RNF220: variants seen among roughly 807,000 people sequenced by gnomAD.
The protein encoded by RNF220 is ring finger protein 220.
A neutral mutation model predicts 67.1 loss-of-function variants in RNF220; 7 were observed. The observed-to-expected ratio is 0.10, with a 90% confidence interval of 0.06 to 0.20. The LOEUF is 0.20. RNF220 is among the 10% of genes least tolerant of loss of function. The pLI is 1.00. For synonymous variants in RNF220, 270 were observed against 283.2 expected, an observed-to-expected ratio of 0.95 and a Z score of 0.47; for missense variants, 565 against 740.3, an observed-to-expected ratio of 0.76 and a Z score of 2.75.
In RNF220 at chr1:44,621,551, C is replaced by T. The variant is rs1472736984; in HGVS notation, c.759-1191C>T. Among the ~76,000 whole-genome samples, 1 of 152,170 alleles carries T rather than the reference C, an allele frequency of 6.6e-6. No individual in the cohort carries two copies. The highest frequency in any genetic ancestry group is 2.4e-5 in the African/African-American group (1 of 41,428). On this transcript the variant is annotated intron_variant, in intron 3 of 14. Transcript: ENST00000361799. This position sits in a 1 kb window ranked among gnomAD's most constrained non-coding sequence, Gnocchi z 4.8. The stretch of plus-strand genomic sequence containing the variant: ...ATGTCTCCAGACATTGCTGGATGTC[C>T]CCTGTGCAGGTGAACATCCCTTCCC...
At chr1:44,544,461 A>G (rs1661955272) in intron 2 of RNF220, among the ~76,000 whole-genome samples, 2 of 152,232 alleles carry the variant, frequency 1.3e-5, no homozygotes, top group African/African-American at 4.8e-5. Context: ...GGTTTTAATG[A>G]GTTCATGCAT....
intron 2 of RNF220, among the ~76,000 whole-genome samples, chr1:44,525,282 AG>A (rs1258293425): frequency 6.6e-6 from 1 of 151,934 alleles, no homozygotes; most frequent in Non-Finnish European, 1.5e-5. Flanking sequence ...GCTGAGCGAG[AG>A]GGGGGCCACC....
intron 2 of RNF220, among the ~76,000 whole-genome samples, chr1:44,448,350 A>G (rs1373085942): frequency 6.6e-6 from 1 of 152,208 alleles, no homozygotes; most frequent in East Asian, 1.9e-4. Flanking sequence ...TTTCAGACTT[A>G]GATGCATGTG....
chr1:44,406,829 A>G (rs1311007775), intron 1 of RNF220, among the ~76,000 whole-genome samples: 2 of 152,240 alleles, frequency 1.3e-5, no homozygotes, highest in Non-Finnish European at 2.9e-5. Flanking sequence ...GAGGCCGCCC[A>G]CGGTGGTGAG....
At position 44,650,691 on chromosome 1, in the gene RNF220, G is replaced by A. The variant is rs750119681; in HGVS notation, c.1630-13G>A. On this transcript the variant is annotated splice_polypyrimidine_tract_variant and intron_variant, in intron 14 of 14. Coordinates refer to ENST00000361799, the MANE Select transcript of RNF220 (RefSeq NM_018150.4). The surrounding 1 kb of genome is among the most constrained non-coding windows in gnomAD (Gnocchi z 4.3). The stretch of plus-strand genomic sequence containing the variant: ...CATTGTGTAGACCAGAGCCCTCCCT[G>A]TTCTCCCTGCAGGGTGCCAAGAAGC... 3.1e-6 allele frequency: 5 copies of A among 1,613,522 alleles called. No homozygotes were observed. Among genetic ancestry groups the A allele is most frequent in the East Asian group, 2.2e-5 (1 of 44,864 alleles).
chr1:44,554,416 T>G (rs1472339015), intron 2 of RNF220, among the ~76,000 whole-genome samples: 2 of 151,990 alleles, frequency 1.3e-5, no homozygotes, highest in African/African-American at 4.8e-5. Flanking sequence ...TCCCCTAGCC[T>G]AGAACTGGAT....
At chr1:44,427,831 G>C (rs1047021876) in intron 2 of RNF220, among the ~76,000 whole-genome samples, 4 of 152,178 alleles carry the variant, frequency 2.6e-5, no homozygotes, top group African/African-American at 9.6e-5. Flanking sequence ...CACAAAGTAT[G>C]CCTTCAATAA....
rs1663952599 is a variant in RNF220, at chr1:44,565,765, G to T, written c.626-48400G>T. The stretch of plus-strand genomic sequence containing the variant: ...AGATCTGTGAACCACTGCCTTCCCT[G>T]CCCCTCCCTGGGTGCCAATGGGACT... On this transcript the variant is annotated intron_variant, in intron 2 of 14. Transcript: ENST00000361799. This position sits in a 1 kb window ranked among gnomAD's most constrained non-coding sequence, Gnocchi z 4.2. 6.6e-6 allele frequency among the ~76,000 whole-genome samples: 1 copy of T among 152,132 alleles called. No individual in the cohort carries two copies. Among genetic ancestry groups the T allele is most frequent in the Admixed American group, 6.5e-5 (1 of 15,282 alleles).
chr1:44,457,562 G>A (rs1653318959), intron 2 of RNF220, among the ~76,000 whole-genome samples: 1 of 117,622 alleles, frequency 8.5e-6, no homozygotes, highest in Non-Finnish European at 1.8e-5. Context: ...TATAACCTTG[G>A]ATTTTTTTTT....
chr1:44,587,786 G>A (rs1665815503), intron 2 of RNF220, among the ~76,000 whole-genome samples: 2 of 152,220 alleles, frequency 1.3e-5, no homozygotes, highest in South Asian at 2.1e-4. Flanking sequence ...CCTTACAGGG[G>A]CAGTGTTAAG....
intron 2 of RNF220, among the ~76,000 whole-genome samples, chr1:44,582,593 C>T (rs759984129): frequency 6.6e-6 from 1 of 151,788 alleles, no homozygotes; most frequent in Non-Finnish European, 1.5e-5. Context: ...CCCATCTCTA[C>T]TAAAAATACA....
chr1:44,591,977 G>A (rs1362961026), intron 2 of RNF220, among the ~76,000 whole-genome samples: 6 of 152,000 alleles, frequency 3.9e-5, no homozygotes, highest in African/African-American at 9.7e-5. Context: ...TGCTCAAGCC[G>A]TCCCCCATCC....
chr1:44,425,579 A>G (rs1026637355), intron 2 of RNF220, among the ~76,000 whole-genome samples: 2 of 152,152 alleles, frequency 1.3e-5, no homozygotes, highest in South Asian at 2.1e-4. Flanking sequence ...CGGTTCAGCA[A>G]TAGGGCAACA....
intron 2 of RNF220, among the ~76,000 whole-genome samples, chr1:44,586,672 C>T (rs1665720869): frequency 6.6e-6 from 1 of 152,140 alleles, no homozygotes; most frequent in Non-Finnish European, 1.5e-5. Flanking sequence ...GAAGGGTTGG[C>T]CCTTTTAGGA....
intron 2 of RNF220, among the ~76,000 whole-genome samples, chr1:44,509,358 G>C (rs964094233): frequency 6.6e-5 from 10 of 151,850 alleles, no homozygotes; most frequent in African/African-American, 2.4e-4. Flanking sequence ...AAACCATCCT[G>C]GCTAACACAG....
intron 2 of RNF220, among the ~76,000 whole-genome samples, chr1:44,445,011 A>G (rs1651934603): frequency 6.6e-6 from 1 of 152,198 alleles, no homozygotes; most frequent in Admixed American, 6.5e-5. Context: ...TTGTTGTTTC[A>G]TGTTCCCACT....
Position 44,636,178 on chromosome 1 carries a change from A to G in RNF220, c.1126+16A>G. On this transcript the variant is annotated intron_variant, in intron 8 of 14. Transcript: ENST00000361799. ...GGCTTCCGAGGTACAAGCAGCTGAC[A>G]CGTAGACATTGGCACTCTGGTGCCA... is the stretch of plus-strand genomic sequence containing the variant. The G allele has an allele frequency of 6.3e-7, 1 of 1,590,044 alleles. No individual in the cohort carries two copies. The highest frequency in any genetic ancestry group is 1.3e-5 in the African/African-American group (1 of 74,692).
chr1:44,515,768 A>G (rs1274180193), intron 2 of RNF220, among the ~76,000 whole-genome samples: 1 of 152,240 alleles, frequency 6.6e-6, no homozygotes, highest in Non-Finnish European at 1.5e-5. Flanking sequence ...CCAAGAGTCT[A>G]GGAAACAGCA....
chr1:44,552,054 C>G (rs1662679387), intron 2 of RNF220, among the ~76,000 whole-genome samples: 1 of 152,222 alleles, frequency 6.6e-6, no homozygotes, highest in East Asian at 1.9e-4. Flanking sequence ...AAACCGTGGA[C>G]AGCAGGCTAC....
Sources: allele counts gnomAD v4.1 joint callset (sites outside exome capture counted in the v4.1 genomes callset), GRCh38; gene constraint gnomAD v4.1.1; non-coding constraint Gnocchi (gnomAD v3.1); transcripts MANE v1.5; gene names NCBI Gene and HGNC (gene_info 2026-07-23, HGNC 2026-07-21).